RAPGEF4: variants seen among roughly 807,000 people sequenced by gnomAD.
RAPGEF4 encodes Rap guanine nucleotide exchange factor 4.
Under a neutral mutation model 147.9 loss-of-function variants are expected in RAPGEF4, and 66 were observed. The observed-to-expected ratio is 0.45, with a 90% CI of 0.37 to 0.55. The LOEUF is 0.55. RAPGEF4 is among the 20% of genes least tolerant of loss of function. RAPGEF4 has a pLI of 0.00. For missense variants in RAPGEF4, 1,071 were observed against 1,257.3 expected (o/e 0.85, Z 2.24); for synonymous variants, 419 against 442.7 (o/e 0.95, Z 0.67).
In RAPGEF4 at chr2:172,965,600, TGCA is replaced by T. The variant is rs1559149585; in HGVS notation, c.742_744del (p.Gln248del). On this transcript the variant is annotated inframe_deletion, in exon 9 of 31. Transcript: ENST00000397081. Reference sequence around the variant, plus strand: ...GGAACTGAACTGGTGGACTGGATGATGCAGCAGACACCATGTGTTCACTCCCGG... The same window carrying T: ...GGAACTGAACTGGTGGACTGGATGATGCAGACACCATGTGTTCACTCCCGG... 1 of 1,613,752 alleles carries T rather than the reference TGCA, an allele frequency of 6.2e-7. No homozygotes were observed. Among genetic ancestry groups the T allele is most frequent in the Non-Finnish European group, 8.5e-7 (1 of 1,179,622 alleles).
chr2:172,864,626 G>A (rs899338773), intron 4 of RAPGEF4, among the ~76,000 whole-genome samples: 1 of 152,186 alleles, frequency 6.6e-6, no homozygotes, highest in Non-Finnish European at 1.5e-5. Context: ...GTTATTGGCC[G>A]GGCACAGCGG....
At chr2:172,860,116 A>G (rs778123594) in intron 4 of RAPGEF4, 2 of 985,378 alleles carry the variant, frequency 2.0e-6, no homozygotes, top group Non-Finnish European at 2.4e-6. Context: ...TAGTGCTAAT[A>G]TGCTGCAGAA....
At chr2:172,791,641 A>G (rs920421121) in intron 1 of RAPGEF4, among the ~76,000 whole-genome samples, 1 of 152,206 alleles carries the variant, frequency 6.6e-6, no homozygotes, top group Non-Finnish European at 1.5e-5. Context: ...AACAAGAATG[A>G]CATCGTTAGG....
chr2:173,043,988 T>C (rs1393063025), intron 29 of RAPGEF4, among the ~76,000 whole-genome samples: 1 of 152,086 alleles, frequency 6.6e-6, no homozygotes, highest in Non-Finnish European at 1.5e-5. Flanking sequence ...AAGGAAGGAA[T>C]TTAAGAGCGA....
intron 4 of RAPGEF4, among the ~76,000 whole-genome samples, chr2:172,876,140 G>T (rs1055804655): frequency 1.3e-5 from 2 of 152,148 alleles, no homozygotes; most frequent in African/African-American, 4.8e-5. Context: ...AGCTTAAGGA[G>T]ATTTTGGGCT....
intron 4 of RAPGEF4, among the ~76,000 whole-genome samples, chr2:172,870,269 A>AT (rs1198731413): frequency 6.6e-6 from 1 of 152,202 alleles, no homozygotes; most frequent in Non-Finnish European, 1.5e-5. Context: ...TGACGTATAT[A>AT]TGCATATGAT....
chr2:172,814,237 A>C (rs561377509), intron 3 of RAPGEF4, 42 bp from the exon 4 acceptor site: 1 of 1,601,362 alleles, frequency 6.2e-7, no homozygotes, highest in Admixed American at 1.7e-5. Flanking sequence ...CCTACCCATT[A>C]GATGTTTAAT....
chr2:173,017,082 T>G lies in RAPGEF4; in HGVS notation c.1899-92T>G, dbSNP rs960460121. On this transcript the variant is annotated intron_variant, in intron 19 of 30. Coordinates refer to ENST00000397081, the MANE Select transcript of RAPGEF4 (RefSeq NM_007023.4). ...CCTGAAAGGATTCTGTGATTGTGATTTCATTTTCTAACATAAGATTAGTTA... is the reference window on the plus strand; with the variant it reads ...CCTGAAAGGATTCTGTGATTGTGATGTCATTTTCTAACATAAGATTAGTTA... 4.0e-6 allele frequency: 5 copies of G among 1,261,656 alleles called. No individual in the cohort carries two copies. The South Asian group carries it at 5.1e-5, about 13-fold the overall frequency. 78.2% of individuals were successfully genotyped at this position (1,261,656 alleles called of 1,614,324 possible).
At chr2:173,045,017 C>T (rs1325676721) in intron 29 of RAPGEF4, among the ~76,000 whole-genome samples, 1 of 152,172 alleles carries the variant, frequency 6.6e-6, no homozygotes, top group Non-Finnish European at 1.5e-5. Context: ...TTGGTTTCAC[C>T]CCTGCTGCAG....
chr2:172,743,269 G>A (rs1447477322), intron 1 of RAPGEF4, among the ~76,000 whole-genome samples: 4 of 152,140 alleles, frequency 2.6e-5, no homozygotes, highest in East Asian at 3.9e-4. Flanking sequence ...GGGAGACAGC[G>A]AGAGATCCAG....
At chr2:172,810,909 G>A (rs1466055015) in intron 3 of RAPGEF4, among the ~76,000 whole-genome samples, 1 of 152,188 alleles carries the variant, frequency 6.6e-6, no homozygotes, top group African/African-American at 2.4e-5. Flanking sequence ...AAGCAGACCT[G>A]GAGAAAAGGA....
intron 4 of RAPGEF4, among the ~76,000 whole-genome samples, chr2:172,884,832 T>G (rs1208249402): frequency 6.6e-6 from 1 of 152,218 alleles, no homozygotes; most frequent in Non-Finnish European, 1.5e-5. Context: ...TCTTTGATCA[T>G]AAAAGGGAGA....
intron 1 of RAPGEF4, among the ~76,000 whole-genome samples, chr2:172,773,100 T>C (rs1454398141): frequency 1.3e-5 from 2 of 152,202 alleles, no homozygotes; most frequent in East Asian, 3.8e-4. Context: ...TTTTTAAAGA[T>C]GATTCCTGTT....
chr2:172,817,608 G>A (rs1688627715), intron 4 of RAPGEF4, among the ~76,000 whole-genome samples: 1 of 152,086 alleles, frequency 6.6e-6, no homozygotes, highest in Non-Finnish European at 1.5e-5. Flanking sequence ...TCACTGAACA[G>A]TAAGAGTGCA....
intron 29 of RAPGEF4, among the ~76,000 whole-genome samples, chr2:173,044,913 C>G (rs529569201): frequency 1.3e-5 from 2 of 152,272 alleles, no homozygotes; most frequent in East Asian, 3.9e-4. Flanking sequence ...ATCAGACACT[C>G]CCCCACTCCG....
intron 6 of RAPGEF4, among the ~76,000 whole-genome samples, chr2:172,941,536 CA>C (rs1416021740): frequency 6.6e-6 from 1 of 152,092 alleles, no homozygotes; most frequent in Non-Finnish European, 1.5e-5. Flanking sequence ...CCACGTCTGA[CA>C]AAAAGTAAGC....
chr2:172,886,141 T>A (rs1697187996), intron 4 of RAPGEF4, among the ~76,000 whole-genome samples: 1 of 152,230 alleles, frequency 6.6e-6, no homozygotes, highest in African/African-American at 2.4e-5. Context: ...GAGTAGCCTA[T>A]GCTTTTCCTT....
chr2:172,879,100 T>C (rs546243304), intron 4 of RAPGEF4, among the ~76,000 whole-genome samples: 26 of 152,312 alleles, frequency 1.7e-4, no homozygotes, highest in African/African-American at 4.8e-4. Flanking sequence ...AAAGATATTA[T>C]ATAAGGGCCT....
At position 173,020,679 on chromosome 2, in the gene RAPGEF4, C is replaced by T; in HGVS notation, c.2217C>T (p.Arg739=). ...TTACGACGCTCACCATTAATGGACG[C>T]CTGTTTGCTTGCCCGCGAGAGCAAT... ...SVFTTLTING[R]LFACPREQFD... The change falls in exon 23 of 31, where the codon CGC becomes CGT. Residue 739 remains arginine, a synonymous_variant. Coordinates refer to ENST00000397081, the MANE Select transcript of RAPGEF4 (RefSeq NM_007023.4). 1.2e-6 allele frequency: 2 copies of T among 1,613,996 alleles called. No individual in the cohort carries two copies.
Sources: gnomAD v4.1 joint callset for allele counts (sites outside exome capture counted in the v4.1 genomes callset) on GRCh38, gnomAD v4.1.1 for gene constraint, MANE v1.5 for transcripts, NCBI Gene and HGNC (gene_info 2026-07-23, HGNC 2026-07-21) for gene names.